The following CTNND2 variants were observed in gnomAD, a reference collection of about 807,000 sequenced individuals.
CTNND2 encodes catenin delta-2.
A neutral mutation model predicts 144.4 loss-of-function variants in CTNND2; 22 were observed. The observed-to-expected ratio is 0.15, with a 90% CI of 0.11 to 0.22. The LOEUF (loss-of-function observed/expected upper bound fraction) is 0.22. Ranked by LOEUF, CTNND2 falls within the 10% of genes least tolerant of loss-of-function variation. The probability of loss-of-function intolerance (pLI) is 1.00; values close to 1 mark genes in which losing one functional copy is unlikely to be tolerated. For synonymous variants in CTNND2, 751 were observed against 695.6 expected (o/e 1.08, Z -1.25); for missense variants, 1,353 against 1,618.8 (o/e 0.84, Z 2.82).
chr5:11,501,992 C>T (rs1347320211), intron 3 of CTNND2, among the ~76,000 whole-genome samples: 1 of 140,622 alleles, frequency 7.1e-6, no homozygotes, highest in East Asian at 2.1e-4. Context: ...TGCGCTACTG[C>T]ACTCCAGCCT....
At chr5:11,558,645 C>T (rs937342705) in intron 3 of CTNND2, among the ~76,000 whole-genome samples, 2 of 152,102 alleles carry the variant, frequency 1.3e-5, no homozygotes, top group Admixed American at 6.6e-5. Context: ...GCTGGGATTA[C>T]AGGTGTAAGC....
intron 2 of CTNND2, among the ~76,000 whole-genome samples, chr5:11,664,391 G>A (rs1229558473): frequency 6.6e-6 from 1 of 152,110 alleles, no homozygotes; most frequent in Non-Finnish European, 1.5e-5. Context: ...AGGAGATTGA[G>A]ACCATCCTGG....
At chr5:11,420,573 G>A (rs1302951071) in intron 3 of CTNND2, among the ~76,000 whole-genome samples, 2 of 152,114 alleles carry the variant, frequency 1.3e-5, no homozygotes, top group Non-Finnish European at 2.9e-5. Context: ...CACTGAGCTC[G>A]GCTTTAGGCC....
At chr5:11,213,815 G>A (rs61751764) in intron 10 of CTNND2, among the ~76,000 whole-genome samples, 39 of 143,774 alleles carry the variant, frequency 2.7e-4, no homozygotes, top group African/African-American at 9.8e-4. Context: ...AATTTTATAT[G>A]CACATATATA....
chr5:11,699,562 G>C (rs1785322249), intron 2 of CTNND2, among the ~76,000 whole-genome samples: 1 of 152,072 alleles, frequency 6.6e-6, no homozygotes. Flanking sequence ...TGAAAACAAG[G>C]GAGGAATAAT....
chr5:11,825,958 T>A (rs1474036170), intron 1 of CTNND2, among the ~76,000 whole-genome samples: 1 of 152,098 alleles, frequency 6.6e-6, no homozygotes, highest in East Asian at 1.9e-4. Flanking sequence ...CTGAGCCATT[T>A]TCTTGCCAAC....
chr5:11,599,638 C>G (rs1369218385), intron 2 of CTNND2, among the ~76,000 whole-genome samples: 1 of 152,076 alleles, frequency 6.6e-6, no homozygotes, highest in Non-Finnish European at 1.5e-5. Context: ...ACAAGTAGAA[C>G]TTGTACTTAT....
chr5:11,730,366 G>A (rs1000506231), intron 2 of CTNND2, among the ~76,000 whole-genome samples: 1 of 152,042 alleles, frequency 6.6e-6, no homozygotes, highest in African/African-American at 2.4e-5. Flanking sequence ...TCTTCCAGAT[G>A]TCGAGTCAGT....
chr5:11,197,120 T>G (rs1328919041), intron 11 of CTNND2, among the ~76,000 whole-genome samples: 1 of 152,220 alleles, frequency 6.6e-6, no homozygotes, highest in Non-Finnish European at 1.5e-5. Context: ...AGATGCTCTC[T>G]TCCAATTTCC....
chr5:11,672,899 C>A (rs1169500980), intron 2 of CTNND2, among the ~76,000 whole-genome samples: 2 of 152,246 alleles, frequency 1.3e-5, no homozygotes, highest in Admixed American at 6.5e-5. Context: ...TGAAGCAACA[C>A]CCCACCCTGC....
chr5:11,294,880 G>A (rs1463210564), intron 9 of CTNND2, among the ~76,000 whole-genome samples: 4 of 152,098 alleles, frequency 2.6e-5, no homozygotes, highest in African/African-American at 7.2e-5. Context: ...ATATCATACT[G>A]AATGGGCAAA....
chr5:11,379,634 T>C (rs1758283572), intron 7 of CTNND2, among the ~76,000 whole-genome samples: 1 of 152,314 alleles, frequency 6.6e-6, no homozygotes, highest in South Asian at 2.1e-4. Flanking sequence ...GACTAGCCTT[T>C]TTCTCAACCA....
intron 2 of CTNND2, among the ~76,000 whole-genome samples, chr5:11,612,147 T>C (rs74436567): frequency 0.015 from 2,293 of 152,288 alleles, 61 homozygotes; most frequent in African/African-American, 0.049. Context: ...GGCTGATAGA[T>C]AGGAAATCCC....
chr5:11,042,877 C>A (rs1744824405), intron 16 of CTNND2, among the ~76,000 whole-genome samples: 1 of 152,116 alleles, frequency 6.6e-6, no homozygotes, highest in Non-Finnish European at 1.5e-5. Flanking sequence ...ATGCCAGGTG[C>A]CTGAACTTTT....
chr5:11,215,915 A>T (rs985447759), intron 10 of CTNND2, among the ~76,000 whole-genome samples: 3 of 152,258 alleles, frequency 2.0e-5, no homozygotes, highest in Non-Finnish European at 4.4e-5. Context: ...GTTTACATTG[A>T]AATTTTCAAA....
At chr5:11,661,405 A>T (rs1174806534) in intron 2 of CTNND2, among the ~76,000 whole-genome samples, 1 of 152,188 alleles carries the variant, frequency 6.6e-6, no homozygotes, top group Non-Finnish European at 1.5e-5. Flanking sequence ...AGAAAGTATT[A>T]CTATTTCAGT....
chr5:11,486,516 C>T (rs1768847834), intron 3 of CTNND2, among the ~76,000 whole-genome samples: 1 of 151,910 alleles, frequency 6.6e-6, no homozygotes, highest in African/African-American at 2.4e-5. Context: ...CCCCAAATTC[C>T]TTATCCAGGA....
At chr5:11,900,008 C>T (rs1737724341) in intron 1 of CTNND2, among the ~76,000 whole-genome samples, 2 of 152,118 alleles carry the variant, frequency 1.3e-5, no homozygotes, top group East Asian at 3.9e-4. Flanking sequence ...TGACATATAA[C>T]GTGTTTGTGT....
intron 2 of CTNND2, among the ~76,000 whole-genome samples, chr5:11,641,577 T>C (rs538920338): frequency 1.4e-5 from 2 of 140,996 alleles, no homozygotes; most frequent in Non-Finnish European, 3.1e-5. Flanking sequence ...TATACGTGTG[T>C]ATGTATATAC....
Sources: allele counts gnomAD v4.1 joint callset (sites outside exome capture counted in the v4.1 genomes callset), GRCh38; gene constraint gnomAD v4.1.1; transcripts MANE v1.5; gene names NCBI Gene and HGNC (gene_info 2026-07-23, HGNC 2026-07-21).